The following CKAP5 variants were observed in gnomAD, a reference collection of about 807,000 sequenced individuals.
The protein encoded by CKAP5 is cytoskeleton associated protein 5, also known as cytoskeleton-associated protein 5.
CKAP5 carries 27 observed loss-of-function variants against 232.8 expected under a neutral mutation model. That is an observed-to-expected ratio of 0.12 (90% CI 0.09 to 0.16). The LOEUF (loss-of-function observed/expected upper bound fraction) is 0.16. CKAP5 is among the 10% of genes least tolerant of loss of function. The pLI, the probability that CKAP5 is intolerant of heterozygous loss-of-function variation, is 1.00. For missense variants in CKAP5, 1,838 were observed against 2,424.7 expected (o/e 0.76, Z 5.08); for synonymous variants, 785 against 841.1 (o/e 0.93, Z 1.16).
chr11:46,749,152 G>T (rs1163253341), intron 42 of CKAP5, among the ~76,000 whole-genome samples: 1 of 151,658 alleles, frequency 6.6e-6, no homozygotes, highest in East Asian at 2.0e-4. Flanking sequence ...TTGACATGTA[G>T]AGTTTACAAT....
Position 46,750,739 on chromosome 11 carries a change from T to G in CKAP5, c.5461-128A>C, listed in dbSNP as rs555170229. The G allele has an allele frequency of 1.1e-5, 8 of 696,486 alleles. No individual in the cohort carries two copies. The African/African-American group carries it at 1.3e-4, about 11-fold the overall frequency. The allele number at this position is 696,486 out of a possible 1,614,324, so 43.1% of individuals were successfully genotyped here. On this transcript the variant is annotated intron_variant, in intron 40 of 43. Transcript: ENST00000529230. ...TTGGTATGTTCCTACAGATAACAGA[T>G]GCACCGATGATGCAGGTCTTGCAGC...
At position 46,780,333 on chromosome 11, in the gene CKAP5, GA is replaced by G; in HGVS notation, c.2308-15del. 6.2e-7 allele frequency: 1 copy of G among 1,613,608 alleles called. No individual in the cohort carries two copies. The highest frequency in any genetic ancestry group is 8.5e-7 in the Non-Finnish European group (1 of 1,179,852). Reference sequence around the variant, plus strand: ...AGTCCTCACAGCCTGCCAGACAGAAGAAAAATAACTTTTTAAATCACAAAGA... The same window carrying G: ...AGTCCTCACAGCCTGCCAGACAGAAGAAAATAACTTTTTAAATCACAAAGA... On this transcript the variant is annotated splice_polypyrimidine_tract_variant and intron_variant, in intron 19 of 43. Coordinates refer to ENST00000529230, the MANE Select transcript of CKAP5 (RefSeq NM_001008938.4).
chr11:46,778,336 T>A (rs1266349322), intron 21 of CKAP5, 23 bp from the exon 22 acceptor site: 1 of 1,607,092 alleles, frequency 6.2e-7, no homozygotes, highest in Non-Finnish European at 8.5e-7. Flanking sequence ...AAATAACCTT[T>A]AATTCCAGAC....
intron 13 of CKAP5, among the ~76,000 whole-genome samples, chr11:46,795,184 C>T (rs1938839839): frequency 6.6e-6 from 1 of 151,876 alleles, no homozygotes; most frequent in Non-Finnish European, 1.5e-5. Flanking sequence ...CAAAAATTAG[C>T]CTGGCATGGT....
At chr11:46,782,542 A>T (rs752895913) in intron 18 of CKAP5, among the ~76,000 whole-genome samples, 5 of 152,214 alleles carry the variant, frequency 3.3e-5, no homozygotes, top group Admixed American at 1.3e-4. Flanking sequence ...CTTTTACAAG[A>T]TATTAACAGG....
Position 46,762,066 on chromosome 11 carries a change from A to G in CKAP5, c.4155T>C (p.Ala1385=). 5 of 1,614,204 alleles carry G rather than the reference A, an allele frequency of 3.1e-6. No individual in the cohort carries two copies. Among genetic ancestry groups the G allele is most frequent in the Non-Finnish European group, 4.2e-6 (5 of 1,180,006 alleles). Reference sequence around the variant, plus strand: ...ACACCGTTACAATGGTGTTGAGTGCAGCATTGCGTACAGCATTGTCACGGT... The same window carrying G: ...ACACCGTTACAATGGTGTTGAGTGCGGCATTGCGTACAGCATTGTCACGGT... ...IGDRDNAVRN[A]ALNTIVTVYN... The change falls in exon 32 of 44, where the codon GCT becomes GCC. Residue 1385 remains alanine, a synonymous_variant. Transcript: ENST00000529230.
At chr11:46,841,774 G>A (rs1235340488) in intron 1 of CKAP5, among the ~76,000 whole-genome samples, 2 of 152,172 alleles carry the variant, frequency 1.3e-5, no homozygotes, top group African/African-American at 4.8e-5. Context: ...GCCAAGGCAG[G>A]AGGATCACGA....
chr11:46,770,130 G>A, intron 25 of CKAP5, 32 bp from the exon 26 acceptor site: 1 of 1,606,034 alleles, frequency 6.2e-7, no homozygotes. Context: ...AAAAGTGAGA[G>A]GTCACATAAA....
chr11:46,769,656 A>G (rs1001830479), intron 26 of CKAP5, among the ~76,000 whole-genome samples: 8 of 152,080 alleles, frequency 5.3e-5, no homozygotes, highest in Admixed American at 6.6e-5. Context: ...TGATCACGCC[A>G]CTACACTCCC....
In CKAP5 at chr11:46,795,725, G is replaced by A; in HGVS notation, c.1519C>T (p.Leu507=). The A allele has an allele frequency of 1.9e-6, 3 of 1,614,028 alleles. No individual in the cohort carries two copies. The highest frequency in any genetic ancestry group is 2.5e-6 in the Non-Finnish European group (3 of 1,179,952). ...VELIHGKKAG[L]AADKKEFKPL... ...TTGAATTCCTTCTTATCAGCAGCTA[G>A]TCCAGCTTTCTTACCATGTATCAGT... The change falls in exon 13 of 44, where the codon CTA becomes TTA. Residue 507 remains leucine (L), a synonymous_variant. Coordinates refer to ENST00000529230, the MANE Select transcript of CKAP5 (RefSeq NM_001008938.4).
In CKAP5 at chr11:46,743,775, AG is replaced by A; in HGVS notation, c.*247del. The stretch of plus-strand genomic sequence containing the variant: ...GATCTGGGAACTAGACTGAGCAGAG[AG>A]GGGGCAGCTGTTTACAAGTCTGTAC... On this transcript the variant is annotated 3_prime_UTR_variant, in exon 44 of 44. Transcript: ENST00000529230. The A allele has an allele frequency of 3.9e-6, 2 of 509,578 alleles. No homozygotes were observed. Among genetic ancestry groups the A allele is most frequent in the Non-Finnish European group, 7.1e-6 (2 of 282,340 alleles). The allele number at this position is 509,578 out of a possible 1,614,324, so 31.6% of individuals were successfully genotyped here. A position where few individuals can be genotyped will look rare whatever the true frequency, so the allele number is the denominator to read the frequency against.
At chr11:46,792,490 TTG>T (rs1164636780) in intron 13 of CKAP5, among the ~76,000 whole-genome samples, 4 of 151,874 alleles carry the variant, frequency 2.6e-5, no homozygotes, top group African/African-American at 9.7e-5. Flanking sequence ...GAGGCAGAGG[TTG>T]CAGTGAGATG....
chr11:46,833,193 G>A (rs1157045241), intron 1 of CKAP5, among the ~76,000 whole-genome samples: 1 of 151,966 alleles, frequency 6.6e-6, no homozygotes, highest in Non-Finnish European at 1.5e-5. Context: ...TGATACTCAG[G>A]CTGAAAACTA....
chr11:46,839,440 TCTCCAA>T (rs1354233852), intron 1 of CKAP5, among the ~76,000 whole-genome samples: 1 of 152,168 alleles, frequency 6.6e-6, no homozygotes, highest in Admixed American at 6.6e-5. Context: ...ACCTTAAAAC[TCTCCAA>T]CATTGACTAC....
chr11:46,777,388 T>A, intron 23 of CKAP5, 51 bp downstream of exon 23: 1 of 1,145,672 alleles, frequency 8.7e-7, no homozygotes, highest in Non-Finnish European at 1.3e-6. Flanking sequence ...AACCCAAAAA[T>A]ATGGCTGGCC....
chr11:46,765,400 A>C, intron 27 of CKAP5, 144 bp from the exon 28 acceptor site: 1 of 710,052 alleles, frequency 1.4e-6, no homozygotes, highest in Non-Finnish European at 2.1e-6. Context: ...GCATCACAGA[A>C]TCTTGTATAT....
chr11:46,837,953 T>C (rs1336894511), intron 1 of CKAP5, among the ~76,000 whole-genome samples: 1 of 152,066 alleles, frequency 6.6e-6, no homozygotes, highest in South Asian at 2.1e-4. Flanking sequence ...CTTCAAAGAA[T>C]ACAGTATAGA....
At chr11:46,748,078 A>G (rs2065035419) in intron 42 of CKAP5, among the ~76,000 whole-genome samples, 1 of 152,070 alleles carries the variant, frequency 6.6e-6, no homozygotes. Context: ...GGCTGGAGTG[A>G]AACAACAGGA....
At chr11:46,829,850 G>A (rs1462780537) in intron 1 of CKAP5, among the ~76,000 whole-genome samples, 19 of 139,260 alleles carry the variant, frequency 1.4e-4, no homozygotes, top group East Asian at 4.0e-4. Context: ...GTGTGTGTGT[G>A]TGTGTGTGTG....
Sources: gnomAD v4.1 joint callset for allele counts (sites outside exome capture counted in the v4.1 genomes callset) on GRCh38, gnomAD v4.1.1 for gene constraint, MANE v1.5 for transcripts, NCBI Gene and HGNC (gene_info 2026-07-23, HGNC 2026-07-21) for gene names.